CXADR: variants seen among roughly 807,000 people sequenced by gnomAD.
CXADR encodes coxsackievirus and adenovirus receptor.
A neutral mutation model predicts 40.3 loss-of-function variants in CXADR; 20 were observed. The ratio of observed to expected loss-of-function variants is 0.50; its 90% CI spans 0.35 to 0.72. CXADR has a LOEUF of 0.72. Ranked by LOEUF, CXADR falls within the 30% of genes least tolerant of loss-of-function variation. CXADR has a pLI of 0.01. For synonymous variants in CXADR, 150 were observed against 161.3 expected, an observed-to-expected ratio of 0.93 and a Z score of 0.53; for missense variants, 332 against 449.1, an observed-to-expected ratio of 0.74 and a Z score of 2.36.
chr21:17,584,145 TGGTTA>T (rs2061378868), intron 7 of CXADR, among the ~76,000 whole-genome samples: 1 of 152,172 alleles, frequency 6.6e-6, no homozygotes, highest in African/African-American at 2.4e-5. Context: ...GTAAATGTAA[TGGTTA>T]AGAGTTTGGA....
intron 1 of CXADR, among the ~76,000 whole-genome samples, chr21:17,535,591 G>A (rs1600975433): frequency 2.0e-5 from 3 of 152,006 alleles, no homozygotes; most frequent in Admixed American, 1.3e-4. Flanking sequence ...CCCTTATGAC[G>A]GGTTTTGACA....
At chr21:17,531,938 T>TG (rs1455340098) in intron 1 of CXADR, among the ~76,000 whole-genome samples, 13 of 12,852 alleles carry the variant, frequency 1.0e-3, no homozygotes, top group Non-Finnish European at 2.4e-3. Flanking sequence ...GTTTTTTGGG[T>TG]TTTTTTTTTT....
downstream of CXADR, chr21:17,593,638 C>G (rs2061464237): frequency 6.2e-6 from 1 of 161,900 alleles, no homozygotes; most frequent in Non-Finnish European, 1.3e-5. Context: ...ATGCACACAA[C>G]AGAAACACGC....
intron 1 of CXADR, among the ~76,000 whole-genome samples, chr21:17,524,393 C>T (rs922670080): frequency 6.6e-6 from 1 of 151,012 alleles, no homozygotes; most frequent in Non-Finnish European, 1.5e-5. Flanking sequence ...GAAACCCTGT[C>T]TCTACTAAAA....
At chr21:17,614,335 A>G in the CXADR span, among the ~76,000 whole-genome samples, 3 of 152,178 alleles carry the variant, frequency 2.0e-5, no homozygotes, top group African/African-American at 7.2e-5. Context: ...ATAGTTTAGG[A>G]TTAGTATTTT....
chr21:17,567,006 C>A lies in CXADR; in HGVS notation c.*1314C>A. 1.0e-6 allele frequency: 1 copy of A among 980,714 alleles called. No homozygotes were observed. The highest frequency in any genetic ancestry group is 1.2e-6 in the Non-Finnish European group (1 of 825,968). The allele number at this position is 980,714 out of a possible 1,614,324, so 60.8% of individuals were successfully genotyped here. On this transcript the variant is annotated 3_prime_UTR_variant, in exon 7 of 7. Coordinates refer to ENST00000284878, the MANE Select transcript of CXADR (RefSeq NM_001338.5). ...AGAAGGAGGAGTAAAGGGACTACTC[C>A]TCCTTGCCAAATGTGCTAAATATCA...
At chr21:17,577,612 CTTTTTTTTTTT>C (rs532541050) in intron 7 of CXADR, among the ~76,000 whole-genome samples, 3 of 36,562 alleles carry the variant, frequency 8.2e-5, no homozygotes, top group Non-Finnish European at 1.6e-4. Context: ...ATTCTGCAAG[CTTTTTTTTTTT>C]TTTTTTTTTT....
At position 17,569,943 on chromosome 21, in the gene CXADR, A is replaced by G; in HGVS notation, c.*4251A>G. On this transcript the variant is annotated 3_prime_UTR_variant, in exon 7 of 7. Coordinates refer to ENST00000284878, the MANE Select transcript of CXADR (RefSeq NM_001338.5). ...ACACTTCACGTGTGCAAAGTATAGA[A>G]CTGACAGTGTCAGTTTCAGATTTTG... The G allele has an allele frequency of 8.1e-6, 8 of 985,416 alleles. No homozygotes were observed. Among genetic ancestry groups the G allele is most frequent in the Non-Finnish European group, 9.6e-6 (8 of 829,930 alleles). 61.0% of individuals were successfully genotyped at this position (985,416 alleles called of 1,614,324 possible). A position where few individuals can be genotyped will look rare whatever the true frequency, so the allele number is the denominator to read the frequency against.
At chr21:17,531,858 A>C (rs1205516258) in intron 1 of CXADR, among the ~76,000 whole-genome samples, 2 of 151,932 alleles carry the variant, frequency 1.3e-5, no homozygotes, top group East Asian at 1.9e-4. Context: ...TTGTCTCCCG[A>C]AGTGTTGAGA....
chr21:17,621,071 G>T, the CXADR span, among the ~76,000 whole-genome samples: 3 of 152,242 alleles, frequency 2.0e-5, no homozygotes, highest in South Asian at 6.2e-4. Context: ...CATTATTCAG[G>T]ATAATCTTCT....
the CXADR span, among the ~76,000 whole-genome samples, chr21:17,627,506 C>T: frequency 2.0e-5 from 3 of 151,520 alleles, no homozygotes; most frequent in Non-Finnish European, 4.4e-5. Context: ...CGTGTGGCAC[C>T]TCATGCACCT....
At chr21:17,621,815 C>T in the CXADR span, among the ~76,000 whole-genome samples, 2 of 152,112 alleles carry the variant, frequency 1.3e-5, no homozygotes, top group African/African-American at 4.8e-5. Flanking sequence ...CATAAATTAC[C>T]CAGTTCCAAG....
chr21:17,542,601 GGGATGTGGTTCC>G (rs2060843550), intron 1 of CXADR, among the ~76,000 whole-genome samples: 1 of 152,168 alleles, frequency 6.6e-6, no homozygotes, highest in African/African-American at 2.4e-5. Flanking sequence ...CTGCCAATAT[GGGATGTGGTTCC>G]GTCTGTTTAT....
chr21:17,574,153 C>T (rs1265761509), downstream of CXADR, among the ~76,000 whole-genome samples: 4 of 152,090 alleles, frequency 2.6e-5, no homozygotes, highest in Non-Finnish European at 4.4e-5. Flanking sequence ...GAAATCTAAC[C>T]CTCTCACCCG....
At chr21:17,614,947 CAAAT>C in the CXADR span, among the ~76,000 whole-genome samples, 2 of 152,132 alleles carry the variant, frequency 1.3e-5, no homozygotes, top group African/African-American at 4.8e-5. Context: ...CACAAAATCA[CAAAT>C]GAATTGGTAT....
downstream of CXADR, chr21:17,598,561 A>G: frequency 6.8e-7 from 1 of 1,476,654 alleles, no homozygotes; most frequent in African/African-American, 1.4e-5. Flanking sequence ...GGACTACCTG[A>G]AAGGTCCTGG....
the CXADR span, chr21:17,604,836 C>G: frequency 6.2e-7 from 1 of 1,606,588 alleles, no homozygotes; most frequent in Non-Finnish European, 8.5e-7. Flanking sequence ...GTCATCAGTT[C>G]AGCCTCTAAA....
rs1176473801 is a variant in CXADR, at chr21:17,567,825, T to C, written c.*2133T>C. The C allele has an allele frequency of 4.6e-5, 44 of 960,204 alleles. No homozygotes were observed. The highest frequency in any genetic ancestry group is 5.3e-5 in the Non-Finnish European group (43 of 807,168). The allele number at this position is 960,204 out of a possible 1,614,324, so 59.5% of individuals were successfully genotyped here. On this transcript the variant is annotated 3_prime_UTR_variant, in exon 7 of 7. Transcript: ENST00000284878. ...ATTATCCTATTGATCTAAGTAGAAGTTATCATAGAAAGTGGACACGTATAA... is the reference window on the plus strand; with the variant it reads ...ATTATCCTATTGATCTAAGTAGAAGCTATCATAGAAAGTGGACACGTATAA...
downstream of CXADR, among the ~76,000 whole-genome samples, chr21:17,594,831 T>TG (rs2123422804): frequency 6.6e-6 from 1 of 151,872 alleles, no homozygotes; most frequent in African/African-American, 2.4e-5. Context: ...CAATAGACAT[T>TG]GGAGTCTATT....
Sources: gnomAD v4.1 joint callset for allele counts (sites outside exome capture counted in the v4.1 genomes callset) on GRCh38, gnomAD v4.1.1 for gene constraint, MANE v1.5 for transcripts, NCBI Gene and HGNC (gene_info 2026-07-23, HGNC 2026-07-21) for gene names.